Variants in PDXK observed in about 807,000 individuals in gnomAD.
PDXK encodes epididymis secretory sperm binding protein Li 1a.
A neutral mutation model predicts 43.2 loss-of-function variants in PDXK; 15 were observed. The ratio of observed to expected loss-of-function variants is 0.35; its 90% CI spans 0.23 to 0.53. The LOEUF is 0.53. Among genes scored for constraint, PDXK ranks in the 20% least tolerant of loss-of-function variants. The probability of loss-of-function intolerance (pLI) is 0.92; values close to 1 mark genes in which losing one functional copy is unlikely to be tolerated. For synonymous variants in PDXK, 172 were observed against 165.4 expected (o/e 1.04, Z -0.31); for missense variants, 343 against 417.0 (o/e 0.82, Z 1.54).
At chr21:43,719,935 C>A (rs907587430) in intron 1 of PDXK, 4 of 985,296 alleles carry the variant, frequency 4.1e-6, no homozygotes, top group Non-Finnish European at 4.8e-6. Flanking sequence ...GGCCTGACCA[C>A]GCCAGGAGGT....
In PDXK at chr21:43,732,383, T is replaced by TAGACTCTGGAAGCG; in HGVS notation, c.88-1685_88-1672dup. 1 of 1,612,452 alleles carries TAGACTCTGGAAGCG rather than the reference T, an allele frequency of 6.2e-7. No individual in the cohort carries two copies. Among genetic ancestry groups the TAGACTCTGGAAGCG allele is most frequent in the South Asian group, 1.1e-5 (1 of 91,050 alleles). On this transcript the variant is annotated intron_variant, in intron 1 of 10. Transcript: ENST00000291565. The surrounding 1 kb of genome is among the most constrained non-coding windows in gnomAD (Gnocchi z 4.1). ...TGTCTGGCACATGAAGTTGGATGGG[T>TAGACTCTGGAAGCG]AGACTCTGGAAGCGTCCAGACCAGC... is the stretch of plus-strand genomic sequence containing the variant.
intron 1 of PDXK, among the ~76,000 whole-genome samples, chr21:43,731,749 A>G (rs2083321187): frequency 1.3e-5 from 2 of 151,652 alleles, no homozygotes; most frequent in Admixed American, 1.3e-4. Flanking sequence ...GATGAGGTGT[A>G]TCAGGCAGGG....
At position 43,759,807 on chromosome 21, in the gene PDXK, G is replaced by A. The variant is rs1601847257; in HGVS notation, c.*3744G>A. 2.0e-5 allele frequency: 3 copies of A among 152,410 alleles called. No individual in the cohort carries two copies. The highest frequency in any genetic ancestry group is 1.9e-4 in the East Asian group (1 of 5,172). The allele number at this position is 152,410 out of a possible 1,614,324, so 9.4% of individuals were successfully genotyped here. ...CGCCGCCTCTCACTGCCAGGCCAGC[G>A]GCTTCCGCTGAGACTCGCTGGAGAG... is the stretch of plus-strand genomic sequence containing the variant. On this transcript the variant is annotated 3_prime_UTR_variant, in exon 11 of 11. Transcript: ENST00000291565.
At chr21:43,741,825 G>C (rs980515567) in intron 3 of PDXK, 54 bp downstream of exon 3, 2 of 1,255,884 alleles carry the variant, frequency 1.6e-6, no homozygotes, top group Non-Finnish European at 2.3e-6. Flanking sequence ...TCCAGCCAGG[G>C]TGGGCTCAGG....
intron 8 of PDXK, among the ~76,000 whole-genome samples, chr21:43,753,369 G>A (rs534130571): frequency 2.0e-4 from 31 of 152,254 alleles, no homozygotes; most frequent in Non-Finnish European, 1.0e-4. Context: ...CGGCCTGACC[G>A]TGTGGCCCTC....
chr21:43,719,229 G>C lies in PDXK; in HGVS notation c.-66G>C, dbSNP rs1470041800. On this transcript the variant is annotated 5_prime_UTR_variant, in exon 1 of 11. Coordinates refer to ENST00000291565, the MANE Select transcript of PDXK (RefSeq NM_003681.5). ...CGGAGCCCGAGCCCGAGCCGAGCCG[G>C]AGCCCGAGCGAGCGGCGGAGACCGT... 1 of 948,294 alleles carries C rather than the reference G, an allele frequency of 1.1e-6. No individual in the cohort carries two copies. 58.7% of individuals were successfully genotyped at this position (948,294 alleles called of 1,614,324 possible).
intron 2 of PDXK, among the ~76,000 whole-genome samples, chr21:43,740,338 C>G (rs990835017): frequency 2.0e-5 from 3 of 152,152 alleles, no homozygotes; most frequent in Non-Finnish European, 2.9e-5. Flanking sequence ...ATCTTAGCCA[C>G]AGGGCATGGC....
At position 43,732,725 on chromosome 21, in the gene PDXK, A is replaced by C; in HGVS notation, c.88-1344A>C. On this transcript the variant is annotated intron_variant, in intron 1 of 10. Coordinates refer to ENST00000291565, the MANE Select transcript of PDXK (RefSeq NM_003681.5). This position sits in a 1 kb window ranked among gnomAD's most constrained non-coding sequence, Gnocchi z 4.1. ...GTGGATTCGGGCTGGTACATTTGCA[A>C]AGTGCCCATTTTATTTTTTATTTTT... is the stretch of plus-strand genomic sequence containing the variant. 1 of 714,046 alleles carries C rather than the reference A, an allele frequency of 1.4e-6. No homozygotes were observed. Among genetic ancestry groups the C allele is most frequent in the South Asian group, 1.5e-5 (1 of 64,530 alleles). 44.2% of individuals were successfully genotyped at this position (714,046 alleles called of 1,614,324 possible). A position where few individuals can be genotyped will look rare whatever the true frequency, so the allele number is the denominator to read the frequency against.
rs557623579 is a variant in PDXK, at chr21:43,752,503, C to G, written c.511-15C>G. ...TGTGACCGGCCGTGGCTGACGCTCC[C>G]TGTGCCACTGCTAGGTGATGGACAT... On this transcript the variant is annotated splice_polypyrimidine_tract_variant and intron_variant, in intron 7 of 10. Transcript: ENST00000291565. 5.1e-6 allele frequency: 8 copies of G among 1,580,136 alleles called. No individual in the cohort carries two copies. Among genetic ancestry groups the G allele is most frequent in the Non-Finnish European group, 6.9e-6 (8 of 1,153,808 alleles).
intron 1 of PDXK, chr21:43,728,944 C>T (rs933788117): frequency 1.9e-5 from 19 of 985,404 alleles, no homozygotes; most frequent in South Asian, 4.7e-5. Flanking sequence ...ATTTTGACCC[C>T]CCAGGGCAGA....
intron 1 of PDXK, among the ~76,000 whole-genome samples, 197 bp from the exon 2 acceptor site, chr21:43,733,872 G>T (rs1440806894): frequency 6.6e-6 from 1 of 152,260 alleles, no homozygotes; most frequent in Non-Finnish European, 1.5e-5. Flanking sequence ...AGACACACAA[G>T]GCCCTGCCTG....
intron 3 of PDXK, among the ~76,000 whole-genome samples, chr21:43,742,100 G>C (rs11910056): frequency 0.024 from 3,663 of 152,226 alleles, 145 homozygotes; most frequent in African/African-American, 0.084. Context: ...CACTCAATTA[G>C]GTGACGGGCT....
intron 5 of PDXK, among the ~76,000 whole-genome samples, chr21:43,747,727 G>A (rs1209429720): frequency 6.6e-6 from 1 of 152,222 alleles, no homozygotes; most frequent in Admixed American, 6.5e-5. Context: ...GTTCAGTGCG[G>A]CTACGGGATC....
rs570442756 is a variant in PDXK at position 43,750,658 on chromosome 21, C to T, written c.510+113C>T. The T allele has an allele frequency of 4.4e-4, 320 of 726,490 alleles. 1 individual carries two copies. Among genetic ancestry groups the T allele is most frequent in the Non-Finnish European group, 4.8e-5 (21 of 433,730 alleles). The allele number at this position is 726,490 out of a possible 1,614,324, so 45.0% of individuals were successfully genotyped here. A position where few individuals can be genotyped will look rare whatever the true frequency, so the allele number is the denominator to read the frequency against. On this transcript the variant is annotated intron_variant, in intron 7 of 10. Coordinates refer to ENST00000291565, the MANE Select transcript of PDXK (RefSeq NM_003681.5). ...TCATTTCTCCCCAGCAGTGACTGAA[C>T]AGTCTGTACCAGTCGGGGCCTCCAG...
At chr21:43,743,608 C>A (rs2083584861) in intron 3 of PDXK, 116 bp from the exon 4 acceptor site, 5 of 650,736 alleles carry the variant, frequency 7.7e-6, no homozygotes, top group Non-Finnish European at 1.4e-5. Context: ...CCTGCACCCA[C>A]CTCCCTCCCC....
intron 1 of PDXK, among the ~76,000 whole-genome samples, chr21:43,731,397 C>T (rs543675312): frequency 2.0e-5 from 3 of 152,358 alleles, no homozygotes; most frequent in Admixed American, 1.3e-4. Flanking sequence ...TTCACCCACA[C>T]TCAGGGGGTT....
At chr21:43,722,575 T>C (rs139830408) in intron 1 of PDXK, among the ~76,000 whole-genome samples, 1 of 152,100 alleles carries the variant, frequency 6.6e-6, no homozygotes, top group Non-Finnish European at 1.5e-5. Flanking sequence ...TCACCTCTCA[T>C]AGTCTGGGGG....
intron 1 of PDXK, chr21:43,728,675 G>C (rs2083278909): frequency 1.0e-6 from 1 of 977,996 alleles, no homozygotes; most frequent in Non-Finnish European, 1.2e-6. Context: ...GGAGGAGCCC[G>C]AGGCAGCCAC....
chr21:43,739,167 C>T (rs536754638), intron 2 of PDXK, among the ~76,000 whole-genome samples: 1 of 152,128 alleles, frequency 6.6e-6, no homozygotes, highest in African/African-American at 2.4e-5. Context: ...ATCTCCTGAC[C>T]TCACACACCA....
Sources: allele counts gnomAD v4.1 joint callset (sites outside exome capture counted in the v4.1 genomes callset), GRCh38; gene constraint gnomAD v4.1.1; non-coding constraint Gnocchi (gnomAD v3.1); transcripts MANE v1.5; gene names NCBI Gene and HGNC (gene_info 2026-07-23, HGNC 2026-07-21).